Variants in SETBP1 observed in about 807,000 individuals in gnomAD.
The protein encoded by SETBP1 is SET binding protein 1, also known as SET-binding protein.
In SETBP1, 9 loss-of-function variants were observed where a neutral mutation model predicts 101.0. That is an observed-to-expected ratio of 0.09 (90% confidence interval 0.05 to 0.16). The LOEUF is 0.16. Ranked by LOEUF, SETBP1 falls within the 10% of genes least tolerant of loss-of-function variation. The pLI is 1.00. For missense variants in SETBP1, 1,858 were observed against 2,033.8 expected, an observed-to-expected ratio of 0.91 and a Z score of 1.66; for synonymous variants, 818 against 788.5, an observed-to-expected ratio of 1.04 and a Z score of -0.63.
chr18:44,712,486 A>G (rs540264718), intron 2 of SETBP1, among the ~76,000 whole-genome samples: 11 of 152,184 alleles, frequency 7.2e-5, no homozygotes, highest in Non-Finnish European at 1.3e-4. Context: ...TGCAGAACCA[A>G]CTTAAAGCAG....
Position 44,933,478 on chromosome 18 carries a change from C to T in SETBP1, c.541-16403C>T, listed in dbSNP as rs141447282. On this transcript the variant is annotated intron_variant, in intron 3 of 5. Coordinates refer to ENST00000649279, the MANE Select transcript of SETBP1 (RefSeq NM_015559.3). ...GGAAGAACCACTCCTCTCTTCAAAG[C>T]TGTCAGACAGGGACGTTTAAGTCTG... is the stretch of plus-strand genomic sequence containing the variant. Among the ~76,000 whole-genome samples, 77 of 152,370 alleles carry T rather than the reference C, an allele frequency of 5.1e-4. 2 individuals carry two copies. In the East Asian group the frequency reaches 0.011, roughly 21 times the overall value.
At chr18:44,825,032 T>TA (rs2072203896) in intron 2 of SETBP1, among the ~76,000 whole-genome samples, 1 of 152,214 alleles carries the variant, frequency 6.6e-6, no homozygotes, top group African/African-American at 2.4e-5. Context: ...CCTAAACATA[T>TA]AGAGTTACTT....
chr18:44,868,667 C>CGAGAGA (rs147824825), intron 2 of SETBP1, among the ~76,000 whole-genome samples: 4 of 87,210 alleles, frequency 4.6e-5, no homozygotes, highest in Admixed American at 1.2e-4. Context: ...TGTACTCCAG[C>CGAGAGA]GAGAGAGAGA....
intron 2 of SETBP1, among the ~76,000 whole-genome samples, chr18:44,789,374 AT>A (rs1239646726): frequency 6.6e-6 from 1 of 152,252 alleles, no homozygotes; most frequent in African/African-American, 2.4e-5. Context: ...TTAAAGCTGC[AT>A]AAAATTGATT....
chr18:44,935,810 C>T (rs2070943819), intron 3 of SETBP1, among the ~76,000 whole-genome samples: 1 of 152,166 alleles, frequency 6.6e-6, no homozygotes, highest in African/African-American at 2.4e-5. Flanking sequence ...TAACTTTCTC[C>T]AGGAGGCAGG....
intron 2 of SETBP1, among the ~76,000 whole-genome samples, chr18:44,713,871 A>G (rs897081745): frequency 1.2e-4 from 18 of 152,200 alleles, no homozygotes; most frequent in African/African-American, 4.3e-4. Flanking sequence ...TGTTATACAG[A>G]TGGTCTGGTT....
intron 2 of SETBP1, among the ~76,000 whole-genome samples, chr18:44,849,489 C>T (rs149511359): frequency 1.9e-3 from 292 of 152,248 alleles, no homozygotes; most frequent in African/African-American, 6.3e-3. Context: ...AGTATGAGCC[C>T]GGGATGGTTT....
At chr18:44,912,206 C>T (rs925077604) in intron 3 of SETBP1, among the ~76,000 whole-genome samples, 7 of 151,922 alleles carry the variant, frequency 4.6e-5, no homozygotes, top group African/African-American at 1.2e-4. Flanking sequence ...GGTTTTGACT[C>T]GACTAAACAT....
intron 5 of SETBP1, among the ~76,000 whole-genome samples, chr18:45,051,512 A>G (rs1309651651): frequency 6.6e-6 from 1 of 152,162 alleles, no homozygotes; most frequent in East Asian, 1.9e-4. Context: ...GGGCAAGGGA[A>G]TATATGGGAA....
At chr18:44,992,531 T>C (rs1211071911) in intron 4 of SETBP1, among the ~76,000 whole-genome samples, 1 of 152,034 alleles carries the variant, frequency 6.6e-6, no homozygotes, top group African/African-American at 2.4e-5. Flanking sequence ...AAGTATGTAA[T>C]TGCAAATGCA....
intron 5 of SETBP1, among the ~76,000 whole-genome samples, chr18:45,059,411 G>C (rs1221545084): frequency 6.6e-6 from 1 of 152,098 alleles, no homozygotes; most frequent in Admixed American, 6.5e-5. Flanking sequence ...TTTATTTCAT[G>C]ATCTCTTTTA....
intron 3 of SETBP1, chr18:44,871,498 A>C (rs2069273264): frequency 6.6e-6 from 1 of 152,170 alleles, no homozygotes; most frequent in Non-Finnish European, 1.5e-5. Flanking sequence ...CAGCTTTTGC[A>C]TGGTGCCCAC....
chr18:44,748,342 A>G (rs992481387), intron 2 of SETBP1, among the ~76,000 whole-genome samples: 11 of 152,248 alleles, frequency 7.2e-5, no homozygotes, highest in African/African-American at 2.4e-4. Flanking sequence ...AGAAATGTTT[A>G]GACATGTAGG....
intron 2 of SETBP1, among the ~76,000 whole-genome samples, chr18:44,847,157 T>G (rs760783864): frequency 6.6e-6 from 1 of 152,200 alleles, no homozygotes; most frequent in Non-Finnish European, 1.5e-5. Context: ...GGCATAACAC[T>G]ACAGTGATTA....
chr18:44,710,825 G>A (rs1444435543), intron 2 of SETBP1, among the ~76,000 whole-genome samples: 2 of 152,170 alleles, frequency 1.3e-5, no homozygotes, highest in Non-Finnish European at 2.9e-5. Context: ...TTTGGGGAAA[G>A]TGTTTCAACA....
chr18:45,054,284 T>G (rs1004194356), intron 5 of SETBP1, among the ~76,000 whole-genome samples: 9 of 151,654 alleles, frequency 5.9e-5, no homozygotes, highest in Admixed American at 1.3e-4. Flanking sequence ...GCCTCCAGGG[T>G]TCAAGTGATT....
chr18:44,767,054 G>C (rs2144615907), intron 2 of SETBP1, among the ~76,000 whole-genome samples: 1 of 152,246 alleles, frequency 6.6e-6, no homozygotes. Flanking sequence ...AGCAAATTTA[G>C]AAACAATAGG....
chr18:44,762,067 C>T (rs887859760), intron 2 of SETBP1, among the ~76,000 whole-genome samples: 1 of 152,102 alleles, frequency 6.6e-6, no homozygotes, highest in African/African-American at 2.4e-5. Context: ...ACTGGGCCAG[C>T]TGGCCAGACT....
intron 4 of SETBP1, among the ~76,000 whole-genome samples, chr18:44,954,934 G>T (rs1262773194): frequency 6.6e-6 from 1 of 152,200 alleles, no homozygotes; most frequent in African/African-American, 2.4e-5. Flanking sequence ...TACACTAGCT[G>T]TGGACAGAAG....
Sources: gnomAD v4.1 joint callset for allele counts (sites outside exome capture counted in the v4.1 genomes callset) on GRCh38, gnomAD v4.1.1 for gene constraint, MANE v1.5 for transcripts, NCBI Gene and HGNC (gene_info 2026-07-23, HGNC 2026-07-21) for gene names.